The following ANXA13 variants were observed in gnomAD, a reference collection of about 807,000 sequenced individuals.
The protein encoded by ANXA13 is annexin XIII.
A neutral mutation model predicts 46.6 loss-of-function variants in ANXA13; 36 were observed. The observed-to-expected ratio is 0.77, with a 90% CI of 0.59 to 1.02. The LOEUF is 1.02. ANXA13 is among the 50% of genes least tolerant of loss of function. The pLI, the probability that ANXA13 is intolerant of heterozygous loss-of-function variation, is 0.00. For synonymous variants in ANXA13, 163 were observed against 152.9 expected (o/e 1.07, Z -0.49); for missense variants, 417 against 396.5 (o/e 1.05, Z -0.44).
At chr8:123,721,430 G>A (rs1230042354) in intron 1 of ANXA13, among the ~76,000 whole-genome samples, 13 of 152,120 alleles carry the variant, frequency 8.5e-5, no homozygotes, top group Admixed American at 8.5e-4. Flanking sequence ...GGTAATAATA[G>A]TACCCACCTC....
At chr8:123,689,693 A>G (rs1289798767) in intron 8 of ANXA13, among the ~76,000 whole-genome samples, 2 of 152,168 alleles carry the variant, frequency 1.3e-5, no homozygotes, top group Non-Finnish European at 2.9e-5. Flanking sequence ...AATTGTGACT[A>G]TCCTTAACAC....
chr8:123,718,573 T>C (rs1390407713), intron 1 of ANXA13, among the ~76,000 whole-genome samples: 4 of 152,176 alleles, frequency 2.6e-5, no homozygotes, highest in African/African-American at 9.7e-5. Flanking sequence ...TGCTGTCAGC[T>C]CTATGAAAGG....
Position 123,735,912 on chromosome 8 carries a change from T to C in ANXA13, c.15+1408A>G, listed in dbSNP as rs377247795. 1.4e-4 allele frequency: 217 copies of C among 1,566,042 alleles called. No homozygotes were observed. In the African/African-American group the frequency reaches 2.8e-3, roughly 20 times the overall value. ...AAAAAAAAATACATAAAAATGCTGG[T>C]CCACTCCTAAAGGCCAGCTGCTCCC... On this transcript the variant is annotated intron_variant, in intron 1 of 10. Coordinates refer to ENST00000419625, the MANE Select transcript of ANXA13 (RefSeq NM_004306.4).
chr8:123,688,128 C>T (rs540053596), intron 9 of ANXA13, among the ~76,000 whole-genome samples: 1 of 152,292 alleles, frequency 6.6e-6, no homozygotes, highest in African/African-American at 2.4e-5. Flanking sequence ...CCACCCAAAT[C>T]TCATCTTGAA....
At chr8:123,733,558 G>A (rs936508151) in intron 1 of ANXA13, among the ~76,000 whole-genome samples, 4 of 152,144 alleles carry the variant, frequency 2.6e-5, no homozygotes, top group Non-Finnish European at 2.9e-5. Context: ...GCTAAATATT[G>A]GCACAAGCAA....
intron 6 of ANXA13, among the ~76,000 whole-genome samples, chr8:123,695,196 C>A (rs1813307811): frequency 6.6e-6 from 1 of 151,912 alleles, no homozygotes; most frequent in Non-Finnish European, 1.5e-5. Context: ...GGGCAGGTTA[C>A]CCACCCTCTC....
In ANXA13 at chr8:123,733,403, T is replaced by C. The variant is rs192542467; in HGVS notation, c.15+3917A>G. ...CACCTGCCTCCAGAGCCTGTCTTCT[T>C]TTCTCAGGAATCTGGATCTATTTCC... On this transcript the variant is annotated intron_variant, in intron 1 of 10. Coordinates refer to ENST00000419625, the MANE Select transcript of ANXA13 (RefSeq NM_004306.4). 8.0e-4 allele frequency among the ~76,000 whole-genome samples: 122 copies of C among 152,266 alleles called. 1 individual carries two copies. In the South Asian group the frequency reaches 0.016, roughly 20 times the overall value.
At chr8:123,725,156 A>G (rs1813958912) in intron 1 of ANXA13, among the ~76,000 whole-genome samples, 1 of 152,180 alleles carries the variant, frequency 6.6e-6, no homozygotes, top group East Asian at 1.9e-4. Context: ...TTAATTTTCC[A>G]TTTATGGTAT....
chr8:123,732,937 C>T (rs1187195825), intron 1 of ANXA13, among the ~76,000 whole-genome samples: 1 of 152,124 alleles, frequency 6.6e-6, no homozygotes, highest in Admixed American at 6.5e-5. Flanking sequence ...CTTTGGGAGG[C>T]TGAGGTGGGA....
chr8:123,683,460 T>C (rs1447739724), intron 10 of ANXA13, among the ~76,000 whole-genome samples: 1 of 135,042 alleles, frequency 7.4e-6, no homozygotes, highest in Non-Finnish European at 1.5e-5. Context: ...ATGTCTGTGG[T>C]TTTCAAGTGC....
chr8:123,722,096 G>A (rs575346461), intron 1 of ANXA13, among the ~76,000 whole-genome samples: 1 of 152,110 alleles, frequency 6.6e-6, no homozygotes, highest in African/African-American at 2.4e-5. Context: ...CTTGAGACCA[G>A]GAGTTCAAGA....
intron 2 of ANXA13, among the ~76,000 whole-genome samples, chr8:123,707,775 C>T (rs776696496): frequency 6.6e-6 from 1 of 151,918 alleles, no homozygotes; most frequent in Admixed American, 6.6e-5. Flanking sequence ...AGCAAACCAC[C>T]ATGGCATATG....
At chr8:123,703,877 T>C (rs1430175761) in intron 2 of ANXA13, among the ~76,000 whole-genome samples, 1 of 152,168 alleles carries the variant, frequency 6.6e-6, no homozygotes, top group Non-Finnish European at 1.5e-5. Context: ...CACAGGTATT[T>C]CCAGTGTGCG....
At chr8:123,712,510 G>A in intron 2 of ANXA13, 168 bp downstream of exon 2, 1 of 632,786 alleles carries the variant, frequency 1.6e-6, no homozygotes, top group East Asian at 2.8e-5. Context: ...GGATCCTACT[G>A]TAATTTTGCG....
intron 1 of ANXA13, chr8:123,729,030 A>G (rs1814057626): frequency 6.6e-6 from 1 of 152,158 alleles, no homozygotes; most frequent in Admixed American, 6.5e-5. Context: ...TAATAGCAGT[A>G]GTATATTAAT....
rs1019398774 is a variant in ANXA13 at position 123,695,441 on chromosome 8, G to T, written c.471+61C>A. On this transcript the variant is annotated intron_variant, in intron 6 of 10. Transcript: ENST00000419625. ...CTACGTTACCCTTTTTCATCATGGTGCCATGTTGCCAAGGATTCTTTCCTA... is the reference window on the plus strand; with the variant it reads ...CTACGTTACCCTTTTTCATCATGGTTCCATGTTGCCAAGGATTCTTTCCTA... The T allele has an allele frequency of 9.6e-6, 12 of 1,247,312 alleles. No individual in the cohort carries two copies. In the Admixed American group the frequency reaches 1.7e-4, roughly 17 times the overall value. The allele number at this position is 1,247,312 out of a possible 1,614,324, so 77.3% of individuals were successfully genotyped here.
chr8:123,712,105 G>A (rs1239829462), intron 2 of ANXA13: 1 of 154,728 alleles, frequency 6.5e-6, no homozygotes, highest in Non-Finnish European at 1.4e-5. Flanking sequence ...GGGACTTGGT[G>A]GGAGATAATT....
At chr8:123,700,628 C>T (rs1304578401) in intron 3 of ANXA13, among the ~76,000 whole-genome samples, 1 of 152,174 alleles carries the variant, frequency 6.6e-6, no homozygotes, top group Non-Finnish European at 1.5e-5. Context: ...GGCCCCTAGG[C>T]TTTCAGTTTG....
rs541667525 is a variant in ANXA13 at position 123,717,239 on chromosome 8, G to T, written c.16-4486C>A. Among the ~76,000 whole-genome samples, 61 of 152,302 alleles carry T rather than the reference G, an allele frequency of 4.0e-4. 1 individual carries two copies. The South Asian group carries it at 9.1e-3, about 23-fold the overall frequency. ...GCTACCATTTCCTCATCTGTAAAAT[G>T]GGAGCAGTCTCTGTGTTGCAAGGCT... On this transcript the variant is annotated intron_variant, in intron 1 of 10. Coordinates refer to ENST00000419625, the MANE Select transcript of ANXA13 (RefSeq NM_004306.4).
Sources: allele counts gnomAD v4.1 joint callset (sites outside exome capture counted in the v4.1 genomes callset), GRCh38; gene constraint gnomAD v4.1.1; transcripts MANE v1.5; gene names NCBI Gene and HGNC (gene_info 2026-07-23, HGNC 2026-07-21).